Variants in GATAD2A observed in about 807,000 individuals in gnomAD.
GATAD2A encodes the protein transcriptional repressor p66-alpha.
In GATAD2A, 12 loss-of-function variants were observed where a neutral mutation model predicts 68.5. The observed-to-expected ratio is 0.18, with a 90% CI of 0.11 to 0.28. The LOEUF is 0.28. Ranked by LOEUF, GATAD2A falls within the 10% of genes least tolerant of loss-of-function variation. GATAD2A has a pLI of 1.00. For missense variants in GATAD2A, 755 were observed against 868.5 expected, an observed-to-expected ratio of 0.87 and a Z score of 1.64; for synonymous variants, 410 against 375.3, an observed-to-expected ratio of 1.09 and a Z score of -1.07.
At chr19:19,494,650 GC>G (rs974360778) in intron 5 of GATAD2A, among the ~76,000 whole-genome samples, 4 of 152,220 alleles carry the variant, frequency 2.6e-5, no homozygotes, top group African/African-American at 9.7e-5. Context: ...TCCAGTGAGC[GC>G]CCCTAGCAAG....
chr19:19,388,764 C>A (rs997748314), intron 1 of GATAD2A, among the ~76,000 whole-genome samples: 2 of 152,024 alleles, frequency 1.3e-5, no homozygotes, highest in Non-Finnish European at 2.9e-5. Flanking sequence ...CATAGTATAA[C>A]TTAACCTTCC....
intron 1 of GATAD2A, among the ~76,000 whole-genome samples, chr19:19,454,885 G>C (rs909401192): frequency 6.6e-6 from 1 of 152,218 alleles, no homozygotes; most frequent in Admixed American, 6.5e-5. Flanking sequence ...ATGGTTGCGT[G>C]TGGTTTTGTT....
At chr19:19,496,587 C>T (rs943622870) in intron 7 of GATAD2A, among the ~76,000 whole-genome samples, 2 of 152,220 alleles carry the variant, frequency 1.3e-5, no homozygotes, top group East Asian at 1.9e-4. Context: ...GTGATGGGCC[C>T]GGAGATGCCT....
intron 2 of GATAD2A, among the ~76,000 whole-genome samples, chr19:19,474,375 C>A (rs902974612): frequency 3.3e-5 from 5 of 152,150 alleles, no homozygotes; most frequent in Non-Finnish European, 5.9e-5. Context: ...GAAACCTTAC[C>A]ATCCCACTCC....
intron 4 of GATAD2A, among the ~76,000 whole-genome samples, chr19:19,493,294 G>A (rs1035878785): frequency 1.1e-4 from 16 of 152,196 alleles, no homozygotes; most frequent in Admixed American, 1.3e-4. Flanking sequence ...GTCTGGTGCC[G>A]CTGGAAGCAT....
chr19:19,492,477 T>C, intron 3 of GATAD2A, 39 bp downstream of exon 3: 1 of 1,613,470 alleles, frequency 6.2e-7, no homozygotes, highest in Non-Finnish European at 8.5e-7. Flanking sequence ...AGCCCCACTG[T>C]GCCCTTCCTA....
chr19:19,391,474 A>G (rs577309337), intron 1 of GATAD2A, among the ~76,000 whole-genome samples: 9 of 152,310 alleles, frequency 5.9e-5, no homozygotes, highest in African/African-American at 2.2e-4. Flanking sequence ...GAAAGGAGCA[A>G]AATTTATTAT....
chr19:19,481,427 C>G (rs755598211), intron 2 of GATAD2A, among the ~76,000 whole-genome samples: 4 of 152,214 alleles, frequency 2.6e-5, no homozygotes, highest in Admixed American at 6.5e-5. Context: ...AGCTCCTGGG[C>G]TCAAGTGATC....
intron 1 of GATAD2A, among the ~76,000 whole-genome samples, chr19:19,397,923 G>C (rs2049383763): frequency 6.6e-6 from 1 of 152,152 alleles, no homozygotes; most frequent in African/African-American, 2.4e-5. Context: ...AATTAGTTGA[G>C]ACAGAGTTTT....
intron 1 of GATAD2A, among the ~76,000 whole-genome samples, chr19:19,456,494 G>A (rs750013872): frequency 6.6e-6 from 1 of 152,208 alleles, no homozygotes; most frequent in Admixed American, 6.5e-5. Flanking sequence ...ATCCACATGT[G>A]TCATTGCTTG....
intron 1 of GATAD2A, among the ~76,000 whole-genome samples, chr19:19,420,669 CTCTTCTGTCAGGTGTGGATA>C (rs2052307766): frequency 6.6e-6 from 1 of 151,976 alleles, no homozygotes; most frequent in Non-Finnish European, 1.5e-5. Flanking sequence ...CCTCGGTTTT[CTCTTCTGTCAGGTGTGGATA>C]TCGGCGGTAG....
Position 19,405,680 on chromosome 19 carries a change from C to G in GATAD2A, c.-346C>G, listed in dbSNP as rs977116649. 1 of 151,962 alleles carries G rather than the reference C, an allele frequency of 6.6e-6. No individual in the cohort carries two copies. Among genetic ancestry groups the G allele is most frequent in the African/African-American group, 2.4e-5 (1 of 41,420 alleles). 9.4% of individuals were successfully genotyped at this position (151,962 alleles called of 1,614,324 possible). On this transcript the variant is annotated 5_prime_UTR_variant, in exon 1 of 12. Transcript: ENST00000683918. ...GGCCCCGCCCCTCGGTCGCCACGCC[C>G]CGCCCAGCCGGGCGCGGGCGGGCGG...
At chr19:19,405,441 C>T (rs1478867648), upstream of GATAD2A, among the ~76,000 whole-genome samples, 5 of 152,174 alleles carry the variant, frequency 3.3e-5, no homozygotes, top group Non-Finnish European at 5.9e-5. Flanking sequence ...GAGTTGGCCA[C>T]GACCCTTCGG....
intron 1 of GATAD2A, among the ~76,000 whole-genome samples, chr19:19,415,286 G>A (rs2051467017): frequency 6.6e-6 from 1 of 151,778 alleles, no homozygotes; most frequent in African/African-American, 2.4e-5. Context: ...CCGAGTAGCT[G>A]GGATTACAGG....
chr19:19,470,638 G>C (rs2058230321), intron 2 of GATAD2A, among the ~76,000 whole-genome samples: 2 of 152,146 alleles, frequency 1.3e-5, no homozygotes, highest in African/African-American at 4.8e-5. Context: ...CACTTAGCCT[G>C]ACATCTGTAG....
intron 1 of GATAD2A, among the ~76,000 whole-genome samples, chr19:19,412,592 A>G (rs1005604829): frequency 2.6e-5 from 4 of 151,972 alleles, no homozygotes; most frequent in African/African-American, 9.7e-5. Context: ...AGATCATGCC[A>G]TTGCACTCCA....
At chr19:19,408,416 G>T (rs774008914) in intron 1 of GATAD2A, among the ~76,000 whole-genome samples, 37 of 151,924 alleles carry the variant, frequency 2.4e-4, no homozygotes, top group Non-Finnish European at 5.1e-4. Context: ...TGCTACTTTC[G>T]GTAGGAAAAA....
chr19:19,414,530 CTTT>C (rs758728889), intron 1 of GATAD2A, among the ~76,000 whole-genome samples: 310 of 70,184 alleles, frequency 4.4e-3, no homozygotes, highest in South Asian at 0.04. Flanking sequence ...AGGGCCTTGT[CTTT>C]TTTTTTTTTT....
At chr19:19,408,587 TC>T (rs2050563662) in intron 1 of GATAD2A, among the ~76,000 whole-genome samples, 1 of 152,206 alleles carries the variant, frequency 6.6e-6, no homozygotes, top group Non-Finnish European at 1.5e-5. Context: ...TTTCAACTCT[TC>T]AGTAGCTCCT....
Sources: gnomAD v4.1 joint callset for allele counts (sites outside exome capture counted in the v4.1 genomes callset) on GRCh38, gnomAD v4.1.1 for gene constraint, MANE v1.5 for transcripts, NCBI Gene and HGNC (gene_info 2026-07-23, HGNC 2026-07-21) for gene names.